CRAMP1: variants seen among roughly 807,000 people sequenced by gnomAD.
The protein encoded by CRAMP1 is cramped chromatin regulator 1, also known as protein cramped-like.
A neutral mutation model predicts 115.4 loss-of-function variants in CRAMP1; 50 were observed. The observed-to-expected ratio is 0.43, with a 90% CI of 0.35 to 0.55. The LOEUF (loss-of-function observed/expected upper bound fraction) is 0.55. Among genes scored for constraint, CRAMP1 ranks in the 20% least tolerant of loss-of-function variants. The pLI, the probability that CRAMP1 is intolerant of heterozygous loss-of-function variation, is 0.01. For missense variants in CRAMP1, 1,679 were observed against 1,721.7 expected (o/e 0.98, Z 0.44); for synonymous variants, 866 against 745.4 (o/e 1.16, Z -2.64).
At chr16:1,663,080 C>T (rs1411033498) in intron 13 of CRAMP1, among the ~76,000 whole-genome samples, 10 of 152,136 alleles carry the variant, frequency 6.6e-5, no homozygotes. Context: ...GATTCAAGTC[C>T]AAAGAATGTC....
chr16:1,667,849 G>A lies in CRAMP1; in HGVS notation c.3103-113G>A, dbSNP rs1205018886. 6.9e-5 allele frequency: 46 copies of A among 669,774 alleles called. No homozygotes were observed. The East Asian group carries it at 9.8e-4, about 14-fold the overall frequency. 41.5% of individuals were successfully genotyped at this position (669,774 alleles called of 1,614,324 possible). On this transcript the variant is annotated intron_variant, in intron 17 of 20. Coordinates refer to ENST00000397412, the MANE Select transcript of CRAMP1 (RefSeq NM_020825.4). ...GTTGGAAGGATGAGGTGACTGCAGC[G>A]CTCATCACCCTATTGATTTGCCTGC...
chr16:1,653,554 G>A (rs1400019395), intron 8 of CRAMP1, among the ~76,000 whole-genome samples: 1 of 152,358 alleles, frequency 6.6e-6, no homozygotes, highest in Middle Eastern at 3.4e-3. Context: ...AGGTGACCGG[G>A]TGCAGAGGCT....
chr16:1,619,186 T>G (rs1370507280), intron 2 of CRAMP1, among the ~76,000 whole-genome samples: 1 of 152,164 alleles, frequency 6.6e-6, no homozygotes, highest in Non-Finnish European at 1.5e-5. Flanking sequence ...TTTTTTGTTT[T>G]TGTTTTGTTT....
rs1257145364 is a variant in CRAMP1 at position 1,674,330 on chromosome 16, G to C, written c.*285G>C. 10 of 433,936 alleles carry C rather than the reference G, an allele frequency of 2.3e-5. No individual in the cohort carries two copies. The allele number at this position is 433,936 out of a possible 1,614,324, so 26.9% of individuals were successfully genotyped here. Reference sequence around the variant, plus strand: ...GGGTCTGCATAATGATCCCATTTCAGCCTGTGCTCTGCCTCGATTGTTGTG... The same window carrying C: ...GGGTCTGCATAATGATCCCATTTCACCCTGTGCTCTGCCTCGATTGTTGTG... On this transcript the variant is annotated 3_prime_UTR_variant, in exon 21 of 21. Coordinates refer to ENST00000397412, the MANE Select transcript of CRAMP1 (RefSeq NM_020825.4).
chr16:1,660,205 G>A (rs999027274), intron 11 of CRAMP1, 142 bp downstream of exon 11: 2 of 688,050 alleles, frequency 2.9e-6, no homozygotes, highest in African/African-American at 3.7e-5. Context: ...AGATGACAGG[G>A]TGAAGGTGCA....
chr16:1,620,826 G>A, intron 2 of CRAMP1: 16 of 379,670 alleles, frequency 4.2e-5, no homozygotes, highest in South Asian at 2.9e-4. Context: ...TGTTCTGACG[G>A]CACGGCATGG....
At chr16:1,655,846 C>A in intron 9 of CRAMP1, 31 bp from the exon 10 acceptor site, 1 of 1,584,242 alleles carries the variant, frequency 6.3e-7, no homozygotes, top group Admixed American at 1.7e-5. Context: ...TCAGTGCTAG[C>A]CAGTGTGGGC....
At chr16:1,659,310 G>T (rs1191418834) in intron 10 of CRAMP1, among the ~76,000 whole-genome samples, 1 of 152,204 alleles carries the variant, frequency 6.6e-6, no homozygotes, top group African/African-American at 2.4e-5. Flanking sequence ...CCCGTAGCAC[G>T]TGGAAAGGTA....
In CRAMP1 at chr16:1,671,276, G is replaced by A. The variant is rs1312299356; in HGVS notation, c.3645+467G>A. 1.3e-5 allele frequency among the ~76,000 whole-genome samples: 2 copies of A among 152,194 alleles called. No individual in the cohort carries two copies. Among genetic ancestry groups the A allele is most frequent in the South Asian group, 4.1e-4 (2 of 4,832 alleles). On this transcript the variant is annotated intron_variant, in intron 20 of 20. Coordinates refer to ENST00000397412, the MANE Select transcript of CRAMP1 (RefSeq NM_020825.4). The surrounding 1 kb of genome is among the most constrained non-coding windows in gnomAD (Gnocchi z 5.0). ...TGTCATGTTGAGCTGCGGTGCAGGG[G>A]AACTGGGATGGGCTCTGCTGTCCTC...
intron 4 of CRAMP1, among the ~76,000 whole-genome samples, chr16:1,635,953 CTG>C (rs1413717128): frequency 1.3e-5 from 2 of 152,186 alleles, no homozygotes; most frequent in East Asian, 1.9e-4. Flanking sequence ...CAGGGTTTGT[CTG>C]TGTTGTAGCG....
intron 9 of CRAMP1, 90 bp from the exon 10 acceptor site, chr16:1,655,787 G>T (rs1301686864): frequency 7.1e-7 from 1 of 1,415,794 alleles, no homozygotes. Flanking sequence ...GATGCCAGTG[G>T]GGAGCGTGGC....
intron 13 of CRAMP1, among the ~76,000 whole-genome samples, chr16:1,663,876 C>T (rs2036852513): frequency 6.6e-6 from 1 of 152,218 alleles, no homozygotes; most frequent in Admixed American, 6.5e-5. Flanking sequence ...TGGCACACAG[C>T]CGTGATTATT....
chr16:1,637,777 C>A, intron 4 of CRAMP1, 47 bp from the exon 5 acceptor site: 3 of 983,452 alleles, frequency 3.1e-6, no homozygotes, highest in Non-Finnish European at 2.9e-6. Flanking sequence ...AGCCAGGCAG[C>A]GCCTCCTGTT....
At chr16:1,639,642 C>G (rs1274340595) in intron 5 of CRAMP1, among the ~76,000 whole-genome samples, 1 of 152,130 alleles carries the variant, frequency 6.6e-6, no homozygotes, top group African/African-American at 2.4e-5. Context: ...GCAGAAGCAA[C>G]CAGTCAGGCT....
intron 4 of CRAMP1, among the ~76,000 whole-genome samples, chr16:1,632,608 T>C (rs2036556034): frequency 1.3e-5 from 2 of 152,270 alleles, no homozygotes; most frequent in South Asian, 2.1e-4. Context: ...TTTTCTGAGC[T>C]ATGGTTTGTG....
At chr16:1,668,443 G>T (rs2036894805) in intron 18 of CRAMP1, among the ~76,000 whole-genome samples, 1 of 152,204 alleles carries the variant, frequency 6.6e-6, no homozygotes, top group Non-Finnish European at 1.5e-5. Context: ...TGGCCCCCAG[G>T]TGCTCTTCAG....
At chr16:1,649,650 T>C (rs1450796337) in intron 6 of CRAMP1, among the ~76,000 whole-genome samples, 1 of 149,102 alleles carries the variant, frequency 6.7e-6, no homozygotes, top group African/African-American at 2.5e-5. Context: ...CCACCACGCC[T>C]GGCTAATTTT....
At chr16:1,647,023 T>C in intron 6 of CRAMP1, 1 of 702,924 alleles carries the variant, frequency 1.4e-6, no homozygotes, top group Non-Finnish European at 2.6e-6. Context: ...CAGCAGACAT[T>C]CGTATTTACA....
intron 1 of CRAMP1, among the ~76,000 whole-genome samples, 44 bp downstream of exon 1, chr16:1,612,701 C>CT (rs1224987209): frequency 6.6e-6 from 1 of 151,862 alleles, no homozygotes; most frequent in Non-Finnish European, 1.5e-5. Flanking sequence ...GAGGCCCGGC[C>CT]GGGGGGTCCT....
Sources: gnomAD v4.1 joint callset for allele counts (sites outside exome capture counted in the v4.1 genomes callset) on GRCh38, gnomAD v4.1.1 for gene constraint, Gnocchi (gnomAD v3.1) non-coding constraint, MANE v1.5 for transcripts, NCBI Gene and HGNC (gene_info 2026-07-23, HGNC 2026-07-21) for gene names.